MSTN: variants seen among roughly 807,000 people sequenced by gnomAD.
The protein encoded by MSTN is myostatin.
In MSTN, 12 loss-of-function variants were observed where a neutral mutation model predicts 32.3. The observed-to-expected ratio is 0.37, with a 90% CI of 0.24 to 0.60. MSTN has a LOEUF of 0.60. Ranked by LOEUF, MSTN falls within the 20% of genes least tolerant of loss-of-function variation. The probability of loss-of-function intolerance (pLI) is 0.67; values close to 1 mark genes in which losing one functional copy is unlikely to be tolerated. For missense variants in MSTN, 403 were observed against 450.3 expected (o/e 0.89, Z 0.95); for synonymous variants, 168 against 155.1 (o/e 1.08, Z -0.62).
At chr2:190,058,795 G>A (rs1685510561) in intron 2 of MSTN, among the ~76,000 whole-genome samples, 2 of 151,920 alleles carry the variant, frequency 1.3e-5, no homozygotes, top group Admixed American at 6.6e-5. Flanking sequence ...TAAGCTATGC[G>A]TACGCAAAGA....
chr2:190,060,592 T>A (rs1202451375), intron 1 of MSTN, among the ~76,000 whole-genome samples, 157 bp from the exon 2 acceptor site: 1 of 152,014 alleles, frequency 6.6e-6, no homozygotes, highest in African/African-American at 2.4e-5. Flanking sequence ...CTCAAAAAAA[T>A]GTCAAAGAAA....
rs1410373757 is a variant in MSTN, at chr2:190,056,570, A to G, written c.*688T>C. 2 of 152,600 alleles carry G rather than the reference A, an allele frequency of 1.3e-5. No individual in the cohort carries two copies. Among genetic ancestry groups the G allele is most frequent in the African/African-American group, 2.4e-5 (1 of 41,446 alleles). 9.5% of individuals were successfully genotyped at this position (152,600 alleles called of 1,614,324 possible). ...AAATGATTCTTCTTACATTAAAGAA[A>G]ATCCATTCCTCATTTGGAGGTGTAG... On this transcript the variant is annotated 3_prime_UTR_variant, in exon 3 of 3. Coordinates refer to ENST00000260950, the MANE Select transcript of MSTN (RefSeq NM_005259.3).
Position 190,055,830 on chromosome 2 carries a change from A to T in MSTN, c.*1428T>A, listed in dbSNP as rs906442543. The T allele has an allele frequency of 1.3e-5, 2 of 152,220 alleles. No homozygotes were observed. The highest frequency in any genetic ancestry group is 2.9e-5 in the Non-Finnish European group (2 of 68,020). 9.4% of individuals were successfully genotyped at this position (152,220 alleles called of 1,614,324 possible). On this transcript the variant is annotated 3_prime_UTR_variant, in exon 3 of 3. Transcript: ENST00000260950. ...ACAAAATCCCAATTTACAAAACAGA[A>T]GTAAATAAATGCAGAAATATATTCA... is the stretch of plus-strand genomic sequence containing the variant.
At position 190,056,776 on chromosome 2, in the gene MSTN, G is replaced by A. The variant is rs887992543; in HGVS notation, c.*482C>T. Reference sequence around the variant, plus strand: ...ATGCTGCACCATCCCTATTTTTGTGGAATTTTATCTTACCAAGTATACTAC... The same window carrying A: ...ATGCTGCACCATCCCTATTTTTGTGAAATTTTATCTTACCAAGTATACTAC... On this transcript the variant is annotated 3_prime_UTR_variant, in exon 3 of 3. Transcript: ENST00000260950. 1.8e-5 allele frequency: 3 copies of A among 164,390 alleles called. No individual in the cohort carries two copies. The highest frequency in any genetic ancestry group is 1.7e-4 in the Admixed American group (3 of 17,386). The allele number at this position is 164,390 out of a possible 1,614,324, so 10.2% of individuals were successfully genotyped here.
At chr2:190,061,033 A>G (rs907975891) in intron 1 of MSTN, among the ~76,000 whole-genome samples, 1 of 152,070 alleles carries the variant, frequency 6.6e-6, no homozygotes, top group Non-Finnish European at 1.5e-5. Flanking sequence ...AGGCTATCTG[A>G]AAAGTTCGAA....
At chr2:190,057,818 C>G (rs894842303) in intron 2 of MSTN, among the ~76,000 whole-genome samples, 180 bp from the exon 3 acceptor site, 2 of 152,042 alleles carry the variant, frequency 1.3e-5, no homozygotes, top group Non-Finnish European at 2.9e-5. Context: ...CCCCTTATGT[C>G]TCAAAAGAAT....
intron 1 of MSTN, among the ~76,000 whole-genome samples, chr2:190,061,026 C>T (rs1010445414): frequency 6.6e-6 from 1 of 152,024 alleles, no homozygotes; most frequent in Admixed American, 6.6e-5. Flanking sequence ...TATATTCAGG[C>T]TATCTGAAAA....
Position 190,060,349 on chromosome 2 carries a change from C to A in MSTN, c.460G>T (p.Ala154Ser). 6.2e-6 allele frequency: 10 copies of A among 1,612,428 alleles called. No individual in the cohort carries two copies. Among genetic ancestry groups the A allele is most frequent in the Non-Finnish European group, 8.5e-6 (10 of 1,178,922 alleles). ...GGTCTCAAATATATCCATAGTTGGG[C>A]CTTTACTACTTTATTGTATTGTATT... is the stretch of plus-strand genomic sequence containing the variant. ...SKIQYNKVVK[A>S]QLWIYLRPVE... Residue 154 changes from alanine (A) to serine (S), a missense_variant, in exon 2 of 3, where the codon GCC becomes TCC. Coordinates refer to ENST00000260950, the MANE Select transcript of MSTN (RefSeq NM_005259.3).
At chr2:190,062,121 G>GGCCAACA in intron 1 of MSTN, 103 bp downstream of exon 1, 1 of 1,255,404 alleles carries the variant, frequency 8.0e-7, no homozygotes, top group South Asian at 1.3e-5. Flanking sequence ...CTTACATACA[G>GGCCAACA]GCCAACAGCT....
chr2:190,060,656 A>G (rs957984166), intron 1 of MSTN, among the ~76,000 whole-genome samples: 1 of 152,062 alleles, frequency 6.6e-6, no homozygotes, highest in African/African-American at 2.4e-5. Context: ...TCAGCTGTTC[A>G]TCAGGAATCT....
At chr2:190,062,156 T>C (rs1685612640) in intron 1 of MSTN, 68 bp downstream of exon 1, 1 of 1,562,568 alleles carries the variant, frequency 6.4e-7, no homozygotes, top group African/African-American at 1.4e-5. Flanking sequence ...TGAAAATAGA[T>C]CTGTTTCTCA....
chr2:190,057,740 G>T (rs940856036), intron 2 of MSTN, 102 bp from the exon 3 acceptor site: 5 of 1,258,166 alleles, frequency 4.0e-6, no homozygotes, highest in Non-Finnish European at 5.7e-6. Context: ...TAATAATTTT[G>T]CTCATACCAC....
Position 190,062,652 on chromosome 2 carries a change from CT to C in MSTN, c.-57del. 6.4e-7 allele frequency: 1 copy of C among 1,570,272 alleles called. No homozygotes were observed. Among genetic ancestry groups the C allele is most frequent in the Non-Finnish European group, 8.6e-7 (1 of 1,156,232 alleles). Reference sequence around the variant, plus strand: ...GTTCTTGTTTCTTCCTTTTACTTTTCTTTTGCTTTTGAGTAATGCCAAGCAA... The same window carrying C: ...GTTCTTGTTTCTTCCTTTTACTTTTCTTTGCTTTTGAGTAATGCCAAGCAA... On this transcript the variant is annotated 5_prime_UTR_variant, in exon 1 of 3. Coordinates refer to ENST00000260950, the MANE Select transcript of MSTN (RefSeq NM_005259.3).
intron 2 of MSTN, among the ~76,000 whole-genome samples, chr2:190,058,133 C>T (rs927271377): frequency 6.6e-6 from 1 of 151,964 alleles, no homozygotes; most frequent in African/African-American, 2.4e-5. Context: ...ACAATAAAAC[C>T]AGGGCAAAAT....
chr2:190,057,671 C>T (rs1685474215), intron 2 of MSTN, 33 bp from the exon 3 acceptor site: 3 of 1,610,216 alleles, frequency 1.9e-6, no homozygotes, highest in Non-Finnish European at 2.5e-6. Context: ...TCAGTAATAT[C>T]AATAGGCCTG....
At position 190,057,143 on chromosome 2, in the gene MSTN, A is replaced by C; in HGVS notation, c.*115T>G. 1 of 1,103,480 alleles carries C rather than the reference A, an allele frequency of 9.1e-7. No homozygotes were observed. The highest frequency in any genetic ancestry group is 1.4e-5 in the South Asian group (1 of 70,102). The allele number at this position is 1,103,480 out of a possible 1,614,324, so 68.4% of individuals were successfully genotyped here. On this transcript the variant is annotated 3_prime_UTR_variant, in exon 3 of 3. Coordinates refer to ENST00000260950, the MANE Select transcript of MSTN (RefSeq NM_005259.3). ...GTTTACATACTGTAGCTTATGCTTAAGTGACTGTAGCATACTCTAGGCCTA... is the reference window on the plus strand; with the variant it reads ...GTTTACATACTGTAGCTTATGCTTACGTGACTGTAGCATACTCTAGGCCTA...
rs1685417574 is a variant in MSTN, at chr2:190,056,042, G to A, written c.*1216C>T. The A allele has an allele frequency of 6.6e-6, 1 of 152,296 alleles. No homozygotes were observed. The highest frequency in any genetic ancestry group is 6.6e-5 in the Admixed American group (1 of 15,248). The allele number at this position is 152,296 out of a possible 1,614,324, so 9.4% of individuals were successfully genotyped here. On this transcript the variant is annotated 3_prime_UTR_variant, in exon 3 of 3. Transcript: ENST00000260950. ...TGAAATTTCAAATTCACTTTATACA[G>A]CCATCATGAATCCATAAGTGAATGT...
At chr2:190,059,918 T>C in intron 2 of MSTN, 144 bp downstream of exon 2, 7 of 716,044 alleles carry the variant, frequency 9.8e-6, no homozygotes, top group Non-Finnish European at 1.6e-5. Context: ...CCTACTTTTA[T>C]TGGGTACAGG....
At position 190,062,524 on chromosome 2, in the gene MSTN, C is replaced by T. The variant is rs375435525; in HGVS notation, c.73G>A (p.Glu25Lys). 10 of 1,613,230 alleles carry T rather than the reference C, an allele frequency of 6.2e-6. No homozygotes were observed. Among genetic ancestry groups the T allele is most frequent in the Non-Finnish European group, 8.5e-6 (10 of 1,179,562 alleles). ...LIVAGPVDLN[E>K]NSEQKENVEK... ...ACATTTTCTTTTTGCTCACTGTTCTCATTTAGATCCACTGGACCAGCAACA... is the reference window on the plus strand; with the variant it reads ...ACATTTTCTTTTTGCTCACTGTTCTTATTTAGATCCACTGGACCAGCAACA... The change falls in exon 1 of 3, where the codon GAG becomes AAG. Residue 25 changes from glutamate (E) to lysine (K), a missense_variant. By Grantham distance (56) the Glu-to-Lys change is moderately conservative. Transcript: ENST00000260950.
Sources: gnomAD v4.1 joint callset for allele counts (sites outside exome capture counted in the v4.1 genomes callset) on GRCh38, gnomAD v4.1.1 for gene constraint, MANE v1.5 for transcripts, NCBI Gene and HGNC (gene_info 2026-07-23, HGNC 2026-07-21) for gene names.